Variants in C3orf70 observed in about 807,000 individuals in gnomAD.
The protein encoded by C3orf70 is chromosome 3 open reading frame 70.
A neutral mutation model predicts 20.7 loss-of-function variants in C3orf70; 15 were observed. The observed-to-expected ratio is 0.72, with a 90% confidence interval of 0.48 to 1.11. The LOEUF (loss-of-function observed/expected upper bound fraction) is 1.11, where lower values mean the gene tolerates loss of function less well. Among genes scored for constraint, C3orf70 ranks in the 50% most tolerant of loss-of-function variants. C3orf70 has a pLI of 0.00. For synonymous variants in C3orf70, 161 were observed against 125.7 expected (o/e 1.28, Z -1.88); for missense variants, 332 against 317.6 (o/e 1.05, Z -0.34).
rs879387058 is a variant in C3orf70, at chr3:185,080,384, G to C, written c.*2623C>G. On this transcript the variant is annotated 3_prime_UTR_variant, in exon 2 of 2. Transcript: ENST00000335012. Reference sequence around the variant, plus strand: ...GAAGTCTTAGATGGTACTGAGAGACGGCCCAAGCCTGCCACTGAGCCAGCT... The same window carrying C: ...GAAGTCTTAGATGGTACTGAGAGACCGCCCAAGCCTGCCACTGAGCCAGCT... The C allele has an allele frequency of 6.6e-6, 1 of 152,588 alleles. No individual in the cohort carries two copies. Among genetic ancestry groups the C allele is most frequent in the Non-Finnish European group, 1.5e-5 (1 of 68,040 alleles). The allele number at this position is 152,588 out of a possible 1,614,324, so 9.5% of individuals were successfully genotyped here.
intron 1 of C3orf70, among the ~76,000 whole-genome samples, chr3:185,100,293 G>A (rs960082874): frequency 1.4e-4 from 21 of 151,838 alleles, no homozygotes; most frequent in African/African-American, 1.9e-4. Flanking sequence ...TCACATAATC[G>A]GACATAAAAC....
chr3:185,086,001 T>C (rs2108586564), intron 1 of C3orf70, among the ~76,000 whole-genome samples: 1 of 152,322 alleles, frequency 6.6e-6, no homozygotes, highest in South Asian at 2.1e-4. Flanking sequence ...TTGTTGTATA[T>C]GCTGATTAGG....
intron 1 of C3orf70, among the ~76,000 whole-genome samples, chr3:185,110,677 C>T (rs992709853): frequency 3.9e-5 from 6 of 152,196 alleles, no homozygotes; most frequent in African/African-American, 1.4e-4. Context: ...GGAATTAGGG[C>T]AAGGAACACC....
intron 1 of C3orf70, among the ~76,000 whole-genome samples, chr3:185,101,566 G>A (rs1715824845): frequency 6.6e-6 from 1 of 152,168 alleles, no homozygotes; most frequent in Non-Finnish European, 1.5e-5. Flanking sequence ...TGCTTCTGGG[G>A]AGGTCTCAGG....
Position 185,082,888 on chromosome 3 carries a change from G to T in C3orf70, c.*119C>A. On this transcript the variant is annotated 3_prime_UTR_variant, in exon 2 of 2. Transcript: ENST00000335012. ...AGCATACCACTGAACTGCTACGGTT[G>T]TTGGTTGGAGCGGGGCGGGGTGGGT... The T allele has an allele frequency of 1.1e-6, 1 of 928,622 alleles. No homozygotes were observed. Among genetic ancestry groups the T allele is most frequent in the African/African-American group, 1.7e-5 (1 of 60,504 alleles). 57.5% of individuals were successfully genotyped at this position (928,622 alleles called of 1,614,324 possible). A position where few individuals can be genotyped will look rare whatever the true frequency, so the allele number is the denominator to read the frequency against.
chr3:185,149,407 A>AC (rs999074939), intron 1 of C3orf70, among the ~76,000 whole-genome samples: 22 of 151,630 alleles, frequency 1.5e-4, no homozygotes, highest in Non-Finnish European at 2.5e-4. Context: ...AAAAAAAAAA[A>AC]AAAAACAGTA....
chr3:185,086,406 T>TAC (rs1229456469), intron 1 of C3orf70, among the ~76,000 whole-genome samples: 22 of 151,918 alleles, frequency 1.4e-4, no homozygotes, highest in Non-Finnish European at 2.5e-4. Context: ...CTTGGAGGAG[T>TAC]ACTTAGGTTT....
intron 1 of C3orf70, among the ~76,000 whole-genome samples, chr3:185,121,571 A>C (rs1716297684): frequency 6.6e-6 from 1 of 152,170 alleles, no homozygotes; most frequent in Non-Finnish European, 1.5e-5. Context: ...TAGCAAGAAC[A>C]ATGGTCTTGA....
rs1715232749 is a variant in C3orf70 at position 185,077,908 on chromosome 3, T to C, written c.*5099A>G. 1 of 152,118 alleles carries C rather than the reference T, an allele frequency of 6.6e-6. No individual in the cohort carries two copies. The highest frequency in any genetic ancestry group is 2.1e-4 in the South Asian group (1 of 4,812). 9.4% of individuals were successfully genotyped at this position (152,118 alleles called of 1,614,324 possible). A position where few individuals can be genotyped will look rare whatever the true frequency, so the allele number is the denominator to read the frequency against. On this transcript the variant is annotated 3_prime_UTR_variant, in exon 2 of 2. Coordinates refer to ENST00000335012, the MANE Select transcript of C3orf70 (RefSeq NM_001025266.3). ...ACAGTACAGTTTATCTGCACCTCAT[T>C]GAGGTCTTGTAAAGGTTTAATGGGG... is the stretch of plus-strand genomic sequence containing the variant.
At chr3:185,127,196 T>C (rs1046070725) in intron 1 of C3orf70, among the ~76,000 whole-genome samples, 3 of 152,146 alleles carry the variant, frequency 2.0e-5, no homozygotes, top group Admixed American at 6.5e-5. Context: ...AAAAAACTAA[T>C]TCATTTTGAC....
At chr3:185,120,196 G>A (rs1340717360) in intron 1 of C3orf70, among the ~76,000 whole-genome samples, 1 of 152,112 alleles carries the variant, frequency 6.6e-6, no homozygotes, top group East Asian at 1.9e-4. Context: ...GTACAAGCAT[G>A]TAAGACTATG....
At chr3:185,098,220 A>C (rs181784454) in intron 1 of C3orf70, among the ~76,000 whole-genome samples, 14 of 152,338 alleles carry the variant, frequency 9.2e-5, no homozygotes, top group Admixed American at 9.2e-4. Context: ...TATCCTGGGA[A>C]TTATCCATGC....
At chr3:185,106,325 A>G (rs1250888643) in intron 1 of C3orf70, among the ~76,000 whole-genome samples, 1 of 152,158 alleles carries the variant, frequency 6.6e-6, no homozygotes, top group Admixed American at 6.5e-5. Context: ...ATGGTATTGG[A>G]GGTAATCTGC....
chr3:185,083,533 A>C lies in C3orf70; in HGVS notation c.227T>G (p.Val76Gly). 1 of 1,610,668 alleles carries C rather than the reference A, an allele frequency of 6.2e-7. No homozygotes were observed. Among genetic ancestry groups the C allele is most frequent in the Non-Finnish European group, 8.5e-7 (1 of 1,178,874 alleles). Residue 76 changes from valine (V) to glycine (G), a missense_variant, in exon 2 of 2, where the codon GTG becomes GGG. Physicochemically the swap from Val to Gly is moderately radical, Grantham distance 109 (BLOSUM62 -3). Transcript: ENST00000335012. ...AATCTCAGTGCTTGGAAGCTGTTCC[A>C]CAGGGGTCATAGGCTGATACATGTA... ...CKYMYQPMTP[V>G]EQLPSTEIPA...
intron 1 of C3orf70, among the ~76,000 whole-genome samples, chr3:185,101,618 A>T (rs1479029766): frequency 6.6e-6 from 1 of 152,174 alleles, no homozygotes; most frequent in East Asian, 1.9e-4. Flanking sequence ...AAGCAGGTAC[A>T]TTTTCACATG....
At chr3:185,127,250 A>C (rs1716430014) in intron 1 of C3orf70, among the ~76,000 whole-genome samples, 1 of 152,318 alleles carries the variant, frequency 6.6e-6, no homozygotes, top group Admixed American at 6.5e-5. Flanking sequence ...TAATCAGTTT[A>C]AAGACTGGGC....
chr3:185,128,539 A>C (rs1447134756), intron 1 of C3orf70, among the ~76,000 whole-genome samples: 9 of 151,730 alleles, frequency 5.9e-5, no homozygotes, highest in African/African-American at 1.2e-4. Flanking sequence ...AAAAAAAAAA[A>C]ACAACAAAAC....
In C3orf70 at chr3:185,083,128, G is replaced by C; in HGVS notation, c.632C>G (p.Ala211Gly). 5 of 1,614,120 alleles carry C rather than the reference G, an allele frequency of 3.1e-6. No individual in the cohort carries two copies. The highest frequency in any genetic ancestry group is 3.4e-6 in the Non-Finnish European group (4 of 1,180,020). ...ESCDEDTEEG[A>G]ELSSEEDYSP... ...GTAATCTTCCTCTGAACTCAGTTCT[G>C]CTCCTTCTTCTGTGTCCTCGTCACA... Residue 211 changes from alanine (A) to glycine (G), a missense_variant, in exon 2 of 2, where the codon GCA becomes GGA. Transcript: ENST00000335012.
At chr3:185,102,286 G>T (rs919565046) in intron 1 of C3orf70, among the ~76,000 whole-genome samples, 2 of 152,100 alleles carry the variant, frequency 1.3e-5, no homozygotes, top group Non-Finnish European at 2.9e-5. Context: ...CAGGCCAACA[G>T]CCAAATCAGA....
Sources: gnomAD v4.1 joint callset for allele counts (sites outside exome capture counted in the v4.1 genomes callset) on GRCh38, gnomAD v4.1.1 for gene constraint, MANE v1.5 for transcripts, NCBI Gene and HGNC (gene_info 2026-07-23, HGNC 2026-07-21) for gene names.